The following AK7 variants were observed in gnomAD, a reference collection of about 807,000 sequenced individuals.
The protein encoded by AK7 is ATP-AMP transphosphorylase 7.
A neutral mutation model predicts 96.6 loss-of-function variants in AK7; 78 were observed. That is an observed-to-expected ratio of 0.81 (90% CI 0.67 to 0.97). The LOEUF is 0.97. Among genes scored for constraint, AK7 ranks in the 50% least tolerant of loss-of-function variants. The probability of loss-of-function intolerance (pLI) is 0.00; values close to 1 mark genes in which losing one functional copy is unlikely to be tolerated. For synonymous variants in AK7, 302 were observed against 317.2 expected (o/e 0.95, Z 0.51); for missense variants, 855 against 887.9 (o/e 0.96, Z 0.47).
intron 12 of AK7, among the ~76,000 whole-genome samples, chr14:96,462,371 T>C (rs1181428535): frequency 1.3e-5 from 2 of 152,226 alleles, no homozygotes; most frequent in African/African-American, 2.4e-5. Flanking sequence ...ACCTTGCCTA[T>C]GTTTGAACAA....
chr14:96,418,356 A>G (rs1431145180), intron 4 of AK7, among the ~76,000 whole-genome samples: 1 of 144,944 alleles, frequency 6.9e-6, no homozygotes, highest in Non-Finnish European at 1.5e-5. Flanking sequence ...ATCCTTCCAT[A>G]GCCTTTTATT....
chr14:96,429,089 G>A (rs1892196256), intron 5 of AK7, among the ~76,000 whole-genome samples: 1 of 151,992 alleles, frequency 6.6e-6, no homozygotes, highest in Non-Finnish European at 1.5e-5. Flanking sequence ...GGGTTTTTAT[G>A]GTTTTAGATT....
chr14:96,423,643 G>A, intron 5 of AK7: 1 of 605,268 alleles, frequency 1.7e-6, no homozygotes, highest in Non-Finnish European at 3.1e-6. Context: ...GCACTGAACT[G>A]GAGAACACAG....
At chr14:96,416,557 A>AG (rs1218312024) in intron 4 of AK7, among the ~76,000 whole-genome samples, 7 of 152,192 alleles carry the variant, frequency 4.6e-5, no homozygotes, top group Admixed American at 3.9e-4. Flanking sequence ...GTAGTAAGGC[A>AG]GGCTGAGTTT....
At chr14:96,438,509 G>C (rs1892776056) in intron 6 of AK7, among the ~76,000 whole-genome samples, 1 of 152,212 alleles carries the variant, frequency 6.6e-6, no homozygotes. Context: ...AGTGAGAATT[G>C]TTACTGCAAA....
chr14:96,453,332 C>T (rs971843281), intron 10 of AK7, among the ~76,000 whole-genome samples: 2 of 152,064 alleles, frequency 1.3e-5, no homozygotes, highest in Admixed American at 6.5e-5. Flanking sequence ...TTGAAGAGAC[C>T]GTATGGTTCC....
At chr14:96,471,384 G>T in intron 12 of AK7, 94 bp from the exon 13 acceptor site, 120 of 424,750 alleles carry the variant, frequency 2.8e-4, no homozygotes, top group East Asian at 4.6e-4. Flanking sequence ...TAGTACCTTT[G>T]ACTACACAAC....
At chr14:96,485,698 A>G (rs1895726912) in intron 16 of AK7, among the ~76,000 whole-genome samples, 1 of 151,868 alleles carries the variant, frequency 6.6e-6, no homozygotes, top group African/African-American at 2.4e-5. Flanking sequence ...TTTCATGTTT[A>G]TATGTACTCA....
At chr14:96,425,046 T>C (rs750334494) in intron 5 of AK7, among the ~76,000 whole-genome samples, 1 of 152,220 alleles carries the variant, frequency 6.6e-6, no homozygotes. Context: ...CCCAACTTTC[T>C]TACTCACTCT....
intron 12 of AK7, among the ~76,000 whole-genome samples, chr14:96,460,299 T>C (rs17094134): frequency 0.085 from 12,989 of 152,250 alleles, 650 homozygotes; most frequent in East Asian, 0.12. Context: ...TATTGTAGTA[T>C]CGCCTTCGGA....
chr14:96,397,527 G>T (rs1391006876), intron 1 of AK7, among the ~76,000 whole-genome samples: 1 of 152,140 alleles, frequency 6.6e-6, no homozygotes, highest in African/African-American at 2.4e-5. Context: ...GGGATTACAG[G>T]CATGAGCCAC....
chr14:96,397,657 A>G (rs531403510), intron 1 of AK7, among the ~76,000 whole-genome samples: 2 of 152,294 alleles, frequency 1.3e-5, no homozygotes, highest in South Asian at 4.2e-4. Context: ...CAGGAGGCTG[A>G]GGCAGGAGGA....
intron 7 of AK7, among the ~76,000 whole-genome samples, chr14:96,443,843 G>A (rs541129911): frequency 4.1e-5 from 6 of 145,822 alleles, no homozygotes; most frequent in African/African-American, 1.3e-4. Flanking sequence ...GCACAATCTC[G>A]GTTCACCGCA....
chr14:96,420,412 T>C (rs1032651444), intron 4 of AK7, among the ~76,000 whole-genome samples: 4 of 151,872 alleles, frequency 2.6e-5, no homozygotes, highest in Non-Finnish European at 5.9e-5. Context: ...GGAGAATCAC[T>C]TGAACCTGGG....
chr14:96,467,488 AC>A (rs1894635336), intron 12 of AK7, among the ~76,000 whole-genome samples: 2 of 152,102 alleles, frequency 1.3e-5, no homozygotes. Flanking sequence ...GGCGCACGCC[AC>A]CACACCCGGC....
chr14:96,415,706 A>T (rs1293841362), intron 4 of AK7, among the ~76,000 whole-genome samples: 1 of 151,150 alleles, frequency 6.6e-6, no homozygotes, highest in Non-Finnish European at 1.5e-5. Flanking sequence ...TGAAGGGTAA[A>T]TATTAATTTA....
chr14:96,443,301 T>G (rs1057197751), intron 7 of AK7, among the ~76,000 whole-genome samples: 3 of 152,188 alleles, frequency 2.0e-5, no homozygotes, highest in Admixed American at 2.0e-4. Flanking sequence ...TTCAGACAGG[T>G]CCAGAAACCC....
intron 12 of AK7, among the ~76,000 whole-genome samples, chr14:96,459,303 A>C (rs1175769436): frequency 1.3e-5 from 2 of 151,974 alleles, no homozygotes; most frequent in Non-Finnish European, 2.9e-5. Context: ...GTGCCACTGC[A>C]CTCCAGTCTG....
chr14:96,395,755 A>G lies in AK7; in HGVS notation c.106-2320A>G, dbSNP rs111698231. On this transcript the variant is annotated intron_variant, in intron 1 of 17. Coordinates refer to ENST00000267584, the MANE Select transcript of AK7 (RefSeq NM_152327.5). ...AAAAAAAAAAAAAAAGAATGAGGGA[A>G]GGGAGTTTATCTCCTTCCTTAAATT... Among the ~76,000 whole-genome samples, 248 of 142,334 alleles carry G rather than the reference A, an allele frequency of 1.7e-3. 2 individuals carry two copies. Among genetic ancestry groups the G allele is most frequent in the African/African-American group, 6.2e-3 (243 of 39,414 alleles). The allele number at this position is 142,334 out of a possible 152,430, so 93.4% of individuals were successfully genotyped here. A position where few individuals can be genotyped will look rare whatever the true frequency, so the allele number is the denominator to read the frequency against.
Sources: allele counts gnomAD v4.1 joint callset (sites outside exome capture counted in the v4.1 genomes callset), GRCh38; gene constraint gnomAD v4.1.1; transcripts MANE v1.5; gene names NCBI Gene and HGNC (gene_info 2026-07-23, HGNC 2026-07-21).